The following AGBL4 variants were observed in gnomAD, a reference collection of about 807,000 sequenced individuals.
AGBL4 encodes AGBL carboxypeptidase 4.
AGBL4 carries 58 observed loss-of-function variants against 66.4 expected under a neutral mutation model. That is an observed-to-expected ratio of 0.87 (90% CI 0.71 to 1.09). AGBL4 has a LOEUF of 1.09. Ranked by LOEUF, AGBL4 falls within the 50% of genes least tolerant of loss-of-function variation. The probability of loss-of-function intolerance (pLI) is 0.00; values close to 1 mark genes in which losing one functional copy is unlikely to be tolerated. For synonymous variants in AGBL4, 234 were observed against 222.9 expected, an observed-to-expected ratio of 1.05 and a Z score of -0.44; for missense variants, 579 against 631.0, an observed-to-expected ratio of 0.92 and a Z score of 0.88.
In AGBL4 at chr1:49,948,082, GTAAA is replaced by G. The variant is rs1400911660; in HGVS notation, c.34+75677_34+75680del. ...TATATGTAAATATATGTAAATATAT[GTAAA>G]TATATGTATATGTATATATATGTAA... is the stretch of plus-strand genomic sequence containing the variant. On this transcript the variant is annotated intron_variant, in intron 1 of 13. Transcript: ENST00000371839. Among the ~76,000 whole-genome samples the G allele has an allele frequency of 2.5e-3, 180 of 70,622 alleles. 1 individual carries two copies. The highest frequency in any genetic ancestry group is 3.5e-3 in the Non-Finnish European group (153 of 43,438). The allele number at this position is 70,622 out of a possible 152,430, so 46.3% of individuals were successfully genotyped here.
chr1:49,282,669 G>T (rs182247878), intron 3 of AGBL4, among the ~76,000 whole-genome samples: 2 of 152,194 alleles, frequency 1.3e-5, no homozygotes, highest in Non-Finnish European at 2.9e-5. Flanking sequence ...TGCTCGCACC[G>T]TGCGCGAGCC....
intron 6 of AGBL4, among the ~76,000 whole-genome samples, chr1:48,723,405 C>T (rs971303215): frequency 2.6e-5 from 4 of 152,124 alleles, no homozygotes; most frequent in Non-Finnish European, 4.4e-5. Context: ...GGAGGAGATT[C>T]GGGTGGAAAA....
chr1:48,744,559 T>A (rs568288277), intron 6 of AGBL4, among the ~76,000 whole-genome samples: 1 of 152,318 alleles, frequency 6.6e-6, no homozygotes, highest in South Asian at 2.1e-4. Flanking sequence ...CTCACGGTCA[T>A]TTTTAGCAAG....
At chr1:49,874,396 G>C (rs1056921744) in intron 1 of AGBL4, among the ~76,000 whole-genome samples, 1 of 152,018 alleles carries the variant, frequency 6.6e-6, no homozygotes, top group African/African-American at 2.4e-5. Flanking sequence ...TACACATCTT[G>C]ATTATAGTGA....
intron 6 of AGBL4, among the ~76,000 whole-genome samples, chr1:48,865,705 C>T (rs1570870564): frequency 6.6e-6 from 1 of 152,124 alleles, no homozygotes; most frequent in East Asian, 1.9e-4. Context: ...CCTAAAGCAA[C>T]TGAAGACAGA....
intron 3 of AGBL4, among the ~76,000 whole-genome samples, chr1:49,327,165 T>C (rs190972305): frequency 1.8e-4 from 27 of 152,298 alleles, no homozygotes; most frequent in Non-Finnish European, 3.4e-4. Flanking sequence ...TCGTCTCATC[T>C]CAGAATCCTT....
At chr1:49,629,097 T>C (rs914887198) in intron 3 of AGBL4, among the ~76,000 whole-genome samples, 1 of 152,162 alleles carries the variant, frequency 6.6e-6, no homozygotes, top group African/African-American at 2.4e-5. Context: ...AACCTGCAAG[T>C]CAAATCCAAC....
At chr1:49,565,114 G>C (rs1156667638) in intron 3 of AGBL4, among the ~76,000 whole-genome samples, 1 of 152,080 alleles carries the variant, frequency 6.6e-6, no homozygotes, top group Non-Finnish European at 1.5e-5. Context: ...TTTTTTCTGA[G>C]ACAGGATTGC....
At chr1:49,194,700 G>C (rs1281710277) in intron 4 of AGBL4, among the ~76,000 whole-genome samples, 1 of 152,138 alleles carries the variant, frequency 6.6e-6, no homozygotes, top group East Asian at 1.9e-4. Context: ...TCAAGTAAGA[G>C]ACAGACTTGT....
intron 5 of AGBL4, among the ~76,000 whole-genome samples, chr1:48,944,683 C>T (rs1214497228): frequency 1.3e-5 from 2 of 152,250 alleles, no homozygotes; most frequent in Non-Finnish European, 2.9e-5. Context: ...AACTGCCCCC[C>T]GCAACCCTTC....
intron 1 of AGBL4, among the ~76,000 whole-genome samples, chr1:49,931,016 A>C (rs1389881232): frequency 6.6e-6 from 1 of 152,180 alleles, no homozygotes; most frequent in Non-Finnish European, 1.5e-5. Context: ...TACGGAAAAG[A>C]ATATAAAAGC....
intron 2 of AGBL4, among the ~76,000 whole-genome samples, chr1:49,714,139 G>A (rs1009521851): frequency 7.9e-5 from 12 of 151,962 alleles, no homozygotes; most frequent in Non-Finnish European, 1.6e-4. Context: ...TTTACTTAAG[G>A]TCATAAAGCT....
intron 3 of AGBL4, among the ~76,000 whole-genome samples, chr1:49,584,898 C>T (rs1352101166): frequency 6.6e-6 from 1 of 152,148 alleles, no homozygotes; most frequent in African/African-American, 2.4e-5. Flanking sequence ...AAGAAACATG[C>T]TCAAGATCAC....
At chr1:49,925,998 G>A (rs1382311334) in intron 1 of AGBL4, among the ~76,000 whole-genome samples, 1 of 152,206 alleles carries the variant, frequency 6.6e-6, no homozygotes, top group South Asian at 2.1e-4. Context: ...TTTGCCACCT[G>A]CTGACTGTAC....
At chr1:49,590,780 A>T (rs937624492) in intron 3 of AGBL4, among the ~76,000 whole-genome samples, 3 of 152,090 alleles carry the variant, frequency 2.0e-5, no homozygotes, top group African/African-American at 7.2e-5. Context: ...GCATTAAATA[A>T]TTAGTGAAAT....
chr1:48,790,479 A>G (rs906754879), intron 6 of AGBL4, among the ~76,000 whole-genome samples: 1 of 152,208 alleles, frequency 6.6e-6, no homozygotes, highest in Admixed American at 6.5e-5. Context: ...TGAAACAGAA[A>G]CAGATTCTAT....
intron 3 of AGBL4, among the ~76,000 whole-genome samples, chr1:49,696,626 G>A (rs1229377008): frequency 6.6e-6 from 1 of 151,750 alleles, no homozygotes; most frequent in Non-Finnish European, 1.5e-5. Context: ...TCAGACTTGG[G>A]TACCCTCCCC....
chr1:49,791,890 G>A (rs1367463346), intron 2 of AGBL4, among the ~76,000 whole-genome samples: 1 of 151,930 alleles, frequency 6.6e-6, no homozygotes, highest in Non-Finnish European at 1.5e-5. Flanking sequence ...AGCTCTTTAA[G>A]GGTAGGAACC....
intron 1 of AGBL4, among the ~76,000 whole-genome samples, chr1:49,948,096 A>G (rs867237056): frequency 5.7e-5 from 5 of 87,826 alleles, no homozygotes; most frequent in South Asian, 4.1e-4. Flanking sequence ...ATATATGTAT[A>G]TGTATATATA....
Sources: allele counts gnomAD v4.1 joint callset (sites outside exome capture counted in the v4.1 genomes callset), GRCh38; gene constraint gnomAD v4.1.1; transcripts MANE v1.5; gene names NCBI Gene and HGNC (gene_info 2026-07-23, HGNC 2026-07-21).